BTD: variants seen among roughly 807,000 people sequenced by gnomAD.
BTD encodes the protein biotinidase.
Under a neutral mutation model 17.7 loss-of-function variants are expected in BTD, and 13 were observed. That is an observed-to-expected ratio of 0.74 (90% CI 0.48 to 1.17). The LOEUF (loss-of-function observed/expected upper bound fraction) is 1.17. Among genes scored for constraint, BTD ranks in the 50% most tolerant of loss-of-function variants. The probability of loss-of-function intolerance (pLI) is 0.00; values close to 1 mark genes in which losing one functional copy is unlikely to be tolerated. For synonymous variants in BTD, 240 were observed against 245.2 expected (o/e 0.98, Z 0.20); for missense variants, 674 against 650.4 (o/e 1.04, Z -0.39).
intron 1 of BTD, 68 bp downstream of exon 1, chr3:15,601,962 G>GGC: frequency 6.3e-7 from 1 of 1,592,886 alleles, no homozygotes; most frequent in Admixed American, 1.7e-5. Context: ...CCCCGCCCCG[G>GGC]GCGCCCAGTT....
chr3:15,693,498 G>A (rs1445133180), intron 3 of BTD, among the ~76,000 whole-genome samples: 4 of 152,112 alleles, frequency 2.6e-5, no homozygotes, highest in Non-Finnish European at 5.9e-5. Flanking sequence ...AAGACTGCAG[G>A]GCTTTTGGGA....
downstream of BTD, chr3:15,714,763 A>T: frequency 1.3e-6 from 1 of 761,190 alleles, no homozygotes; most frequent in Non-Finnish European, 1.9e-6. Context: ...ACTATTTTAC[A>T]TGAATTAAGT....
downstream of BTD, chr3:15,714,701 T>C (rs2126099137): frequency 7.2e-7 from 1 of 1,385,814 alleles, no homozygotes. Flanking sequence ...ATATCCATAA[T>C]GTGTAAACCT....
chr3:15,713,491 C>T (rs1292133661), downstream of BTD: 2 of 1,525,656 alleles, frequency 1.3e-6, no homozygotes, highest in East Asian at 2.3e-5. Flanking sequence ...TTTGTGCTTG[C>T]CTGTATCAGT....
chr3:15,674,934 G>C (rs940564055), intron 3 of BTD, among the ~76,000 whole-genome samples: 1 of 152,204 alleles, frequency 6.6e-6, no homozygotes, highest in Admixed American at 6.5e-5. Flanking sequence ...TATGTGTAGG[G>C]GTGAGGGGGA....
At chr3:15,674,148 G>A (rs1412521662) in intron 3 of BTD, among the ~76,000 whole-genome samples, 1 of 114,844 alleles carries the variant, frequency 8.7e-6, no homozygotes, top group Non-Finnish European at 1.6e-5. Flanking sequence ...CTCTAGTCTG[G>A]GCAACAGAGT....
At chr3:15,623,196 C>T (rs1423927779) in intron 1 of BTD, among the ~76,000 whole-genome samples, 2 of 152,206 alleles carry the variant, frequency 1.3e-5, no homozygotes, top group African/African-American at 2.4e-5. Flanking sequence ...GGGATTACTA[C>T]AATTCAAGGT....
chr3:15,652,376 T>C lies in BTD; in HGVS notation c.*6888T>C, dbSNP rs975779686. Among the ~76,000 whole-genome samples, 1 of 152,046 alleles carries C rather than the reference T, an allele frequency of 6.6e-6. No individual in the cohort carries two copies. Among genetic ancestry groups the C allele is most frequent in the Admixed American group, 6.5e-5 (1 of 15,280 alleles). ...TATCTTGGTTGCTCACTTGCTATCT[T>C]GGGTCCCTCCCTCTGGGGAAAGCCA... On this transcript the variant is annotated 3_prime_UTR_variant, in exon 4 of 4. Transcript: ENST00000643237.
At chr3:15,704,474 A>C (rs2071074331) in intron 3 of BTD, among the ~76,000 whole-genome samples, 2 of 152,218 alleles carry the variant, frequency 1.3e-5, no homozygotes, top group African/African-American at 4.8e-5. Flanking sequence ...CTTTAAAGGT[A>C]GAAACTGTGA....
At chr3:15,679,409 T>C (rs1439298490) in intron 3 of BTD, 2 of 1,613,444 alleles carry the variant, frequency 1.2e-6, no homozygotes, top group Non-Finnish European at 1.7e-6. Flanking sequence ...AAGGTGATCA[T>C]TCTCACAGCA....
chr3:15,695,748 A>G (rs1305823442), intron 3 of BTD, among the ~76,000 whole-genome samples: 2 of 152,120 alleles, frequency 1.3e-5, no homozygotes, highest in African/African-American at 4.8e-5. Context: ...GGGGTTGTGA[A>G]ATAAATGTGC....
At chr3:15,718,910 A>G (rs1237837995) in intron 4 of BTD, among the ~76,000 whole-genome samples, 1 of 152,194 alleles carries the variant, frequency 6.6e-6, no homozygotes, top group Non-Finnish European at 1.5e-5. Flanking sequence ...TTTGAGGAAA[A>G]AACTAACTTT....
intron 4 of BTD, among the ~76,000 whole-genome samples, chr3:15,718,646 C>T (rs570077869): frequency 6.6e-6 from 1 of 151,804 alleles, no homozygotes; most frequent in East Asian, 1.9e-4. Context: ...AAACAGGAAG[C>T]CCAATCTCTA....
In BTD at chr3:15,645,989, G is replaced by C. The variant is rs566477992; in HGVS notation, c.*501G>C. The C allele has an allele frequency of 6.5e-6, 1 of 153,262 alleles. No individual in the cohort carries two copies. The highest frequency in any genetic ancestry group is 1.4e-5 in the Non-Finnish European group (1 of 68,972). 9.5% of individuals were successfully genotyped at this position (153,262 alleles called of 1,614,324 possible). The stretch of plus-strand genomic sequence containing the variant: ...TGTGGGGAACCTTCCCATTCTGGTC[G>C]ACCAGAACTCTAGCCAGATGAAATG... On this transcript the variant is annotated 3_prime_UTR_variant, in exon 4 of 4. Transcript: ENST00000643237.
chr3:15,688,964 CCAGA>C lies in BTD; in HGVS notation c.400-21095_400-21092del, dbSNP rs1559339573. Among the ~76,000 whole-genome samples, 4 of 152,160 alleles carry C rather than the reference CCAGA, an allele frequency of 2.6e-5. No individual in the cohort carries two copies. In the South Asian group the frequency reaches 6.2e-4, roughly 24 times the overall value. On this transcript the variant is annotated intron_variant, in intron 3 of 3. Transcript: ENST00000672141. The stretch of plus-strand genomic sequence containing the variant: ...TTATACCAATCCAAAATAACTTCTA[CCAGA>C]AAGAAATAAATACTGCATTGTTTTG...
rs747339688 is a variant in BTD, at chr3:15,720,998, G to A, written c.1016-772G>A. 6.8e-6 allele frequency: 11 copies of A among 1,613,884 alleles called. No homozygotes were observed. In the South Asian group the frequency reaches 9.9e-5, roughly 14 times the overall value. On this transcript the variant is annotated intron_variant, in intron 4 of 4. Coordinates refer to the BTD transcript ENST00000672427. The stretch of plus-strand genomic sequence containing the variant: ...GTTGATGCAGCAGCAAAGTGCAAAG[G>A]AGTAAATCCTTTTTCATTCTTTTGA...
chr3:15,622,481 A>C (rs373029256), intron 1 of BTD, among the ~76,000 whole-genome samples: 1 of 152,178 alleles, frequency 6.6e-6, no homozygotes, highest in African/African-American at 2.4e-5. Flanking sequence ...GTGTTTTGTC[A>C]TGGTAAATGT....
chr3:15,627,404 T>G (rs2065093988), intron 1 of BTD, among the ~76,000 whole-genome samples: 2 of 152,138 alleles, frequency 1.3e-5, no homozygotes, highest in Admixed American at 6.5e-5. Flanking sequence ...AAAAATTTTT[T>G]TTTGGTAGAG....
At chr3:15,617,371 T>C (rs2064824937) in intron 1 of BTD, among the ~76,000 whole-genome samples, 1 of 152,264 alleles carries the variant, frequency 6.6e-6, no homozygotes, top group South Asian at 2.1e-4. Flanking sequence ...CTAGCTATTC[T>C]CCTATGTTAT....
Sources: allele counts gnomAD v4.1 joint callset (sites outside exome capture counted in the v4.1 genomes callset), GRCh38; gene constraint gnomAD v4.1.1; transcripts MANE v1.5; gene names NCBI Gene and HGNC (gene_info 2026-07-23, HGNC 2026-07-21).